The following SH3BP2 variants were observed in gnomAD, a reference collection of about 807,000 sequenced individuals.
The protein encoded by SH3BP2 is SH3 domain-binding protein 2.
In SH3BP2, 38 loss-of-function variants were observed where a neutral mutation model predicts 56.2. That is an observed-to-expected ratio of 0.68 (90% CI 0.52 to 0.89). The LOEUF (loss-of-function observed/expected upper bound fraction) is 0.89. Among genes scored for constraint, SH3BP2 ranks in the 40% least tolerant of loss-of-function variants. The pLI is 0.00. For missense variants in SH3BP2, 748 were observed against 762.6 expected (o/e 0.98, Z 0.23); for synonymous variants, 346 against 316.7 (o/e 1.09, Z -0.98).
chr4:2,818,355 C>G (rs1461206896), intron 1 of SH3BP2: 9 of 1,180,354 alleles, frequency 7.6e-6, no homozygotes, highest in Non-Finnish European at 9.4e-6. Flanking sequence ...CGTGGATCGC[C>G]CCGGGGAAGC....
intron 5 of SH3BP2, chr4:2,826,510 C>CTG (rs1176413392): frequency 1.1e-4 from 21 of 196,160 alleles, no homozygotes; most frequent in East Asian, 1.6e-4. Flanking sequence ...GCGTGTTGCT[C>CTG]TGTGTGTGTG....
chr4:2,829,095 G>A lies in SH3BP2; in HGVS notation c.587-398G>A, dbSNP rs1445541602. 6.6e-6 allele frequency among the ~76,000 whole-genome samples: 1 copy of A among 152,126 alleles called. No individual in the cohort carries two copies. Among genetic ancestry groups the A allele is most frequent in the South Asian group, 2.1e-4 (1 of 4,834 alleles). ...CTGGATATGTTCTGAGCAAACACGG[G>A]CCTTCACCTTCCTCCCAGCTGCTCC... is the stretch of plus-strand genomic sequence containing the variant. On this transcript the variant is annotated intron_variant, in intron 7 of 12. Coordinates refer to ENST00000503393, the MANE Select transcript of SH3BP2 (RefSeq NM_001122681.2). This position sits in a 1 kb window ranked among gnomAD's most constrained non-coding sequence, Gnocchi z 4.9.
At chr4:2,832,903 C>G (rs918007889) in intron 11 of SH3BP2, 87 bp from the exon 12 acceptor site, 1 of 1,360,392 alleles carries the variant, frequency 7.4e-7, no homozygotes, top group Non-Finnish European at 1.1e-6. Context: ...CTTGATGGTT[C>G]TGCCCCCCTA....
intron 1 of SH3BP2, among the ~76,000 whole-genome samples, chr4:2,806,108 G>T (rs971629486): frequency 2.0e-5 from 3 of 152,238 alleles, no homozygotes; most frequent in Non-Finnish European, 2.9e-5. Context: ...AGGCCAGGAG[G>T]AGGGGATTGA....
At chr4:2,825,448 GCA>G (rs530703308) in intron 5 of SH3BP2, among the ~76,000 whole-genome samples, 28 of 144,104 alleles carry the variant, frequency 1.9e-4, no homozygotes, top group Admixed American at 1.6e-3. Flanking sequence ...ACGCGGACAT[GCA>G]CACACACAGA....
rs1278262490 is a variant in SH3BP2 at position 2,832,385 on chromosome 4, C to G, written c.1461C>G (p.Ile487Met). 1.9e-6 allele frequency: 3 copies of G among 1,614,112 alleles called. No individual in the cohort carries two copies. The highest frequency in any genetic ancestry group is 2.5e-6 in the Non-Finnish European group (3 of 1,179,998). The stretch of plus-strand genomic sequence containing the variant: ...AGCCCCAGGATGGACTCTACTGCAT[C>G]CGGAACTCCTCTACCAAGTCGGGGA... ...RGEPQDGLYC[I>M]RNSSTKSGKV... The change falls in exon 11 of 13, where the codon ATC becomes ATG. Residue 487 changes from isoleucine (I) to methionine (M), a missense_variant. Physicochemically the swap from Ile to Met is conservative, Grantham distance 10 (BLOSUM62 1). Around this residue, in one of 3 missense-constraint regions of SH3BP2, gnomAD observed 635 missense variants for 615.0 expected, o/e 1.03. Coordinates refer to ENST00000503393, the MANE Select transcript of SH3BP2 (RefSeq NM_001122681.2).
intron 1 of SH3BP2, among the ~76,000 whole-genome samples, chr4:2,800,457 G>A (rs116590203): frequency 0.016 from 2,475 of 152,304 alleles, 75 homozygotes; most frequent in African/African-American, 0.056. Flanking sequence ...GAGGCCCTAG[G>A]GGCAGACACC....
At chr4:2,827,135 G>A in intron 5 of SH3BP2, 95 bp from the exon 6 acceptor site, 1 of 908,572 alleles carries the variant, frequency 1.1e-6, no homozygotes, top group Non-Finnish European at 1.8e-6. Flanking sequence ...ATCTGTCCAT[G>A]TATCCGCGTG....
intron 8 of SH3BP2, among the ~76,000 whole-genome samples, chr4:2,830,883 C>G (rs1231627327): frequency 6.6e-6 from 1 of 152,260 alleles, no homozygotes; most frequent in African/African-American, 2.4e-5. Flanking sequence ...CGGTGCCCTT[C>G]TCCCAGGGCT....
Position 2,832,992 on chromosome 4 carries a change from C to T in SH3BP2, c.1491C>T (p.Val497=). The change falls in exon 12 of 13, where the codon GTC becomes GTT. Residue 497 remains valine (V), a splice_region_variant and synonymous_variant. Transcript: ENST00000503393. ...IRNSSTKSGK[V]LVVWDETSNK... The stretch of plus-strand genomic sequence containing the variant: ...AGCCTCCCGCTTCCGTCCTGTAGGT[C>T]CTGGTTGTGTGGGACGAAACCTCTA... 2 of 1,614,186 alleles carry T rather than the reference C, an allele frequency of 1.2e-6. No homozygotes were observed. The highest frequency in any genetic ancestry group is 1.7e-6 in the Non-Finnish European group (2 of 1,180,020).
At position 2,832,077 on chromosome 4, in the gene SH3BP2, C is replaced by G. The variant is rs1245223562; in HGVS notation, c.1406+99C>G. 6 of 1,293,034 alleles carry G rather than the reference C, an allele frequency of 4.6e-6. No individual in the cohort carries two copies. The Admixed American group carries it at 1.1e-4, about 24-fold the overall frequency. 80.1% of individuals were successfully genotyped at this position (1,293,034 alleles called of 1,614,324 possible). A position where few individuals can be genotyped will look rare whatever the true frequency, so the allele number is the denominator to read the frequency against. ...CTTCCGTGTTGGGGAGTTGCTGGCACAAGTTCATGGCCCTGCGTGCAGCAG... is the reference window on the plus strand; with the variant it reads ...CTTCCGTGTTGGGGAGTTGCTGGCAGAAGTTCATGGCCCTGCGTGCAGCAG... On this transcript the variant is annotated intron_variant, in intron 10 of 12. Coordinates refer to ENST00000503393, the MANE Select transcript of SH3BP2 (RefSeq NM_001122681.2).
In SH3BP2 at chr4:2,825,074, G is replaced by T. The variant is rs1724524689; in HGVS notation, c.358-52G>T. 9 of 1,499,536 alleles carry T rather than the reference G, an allele frequency of 6.0e-6. No homozygotes were observed. In the East Asian group the frequency reaches 9.8e-5, roughly 16 times the overall value. The allele number at this position is 1,499,536 out of a possible 1,614,324, so 92.9% of individuals were successfully genotyped here. A position where few individuals can be genotyped will look rare whatever the true frequency, so the allele number is the denominator to read the frequency against. On this transcript the variant is annotated intron_variant, in intron 4 of 12. Coordinates refer to ENST00000503393, the MANE Select transcript of SH3BP2 (RefSeq NM_001122681.2). The stretch of plus-strand genomic sequence containing the variant: ...AGGGCAGTGAAGGTGGAGGGGTGCG[G>T]TGGGGCCCACCCTGGTGGCACCGTG...
chr4:2,833,625 A>G (rs1560114599), intron 12 of SH3BP2, 72 bp from the exon 13 acceptor site: 1 of 1,552,250 alleles, frequency 6.4e-7, no homozygotes, highest in Non-Finnish European at 8.7e-7. Flanking sequence ...TGTTTTACAG[A>G]CGGGGAGACT....
intron 1 of SH3BP2, among the ~76,000 whole-genome samples, chr4:2,795,152 G>C (rs544766471): frequency 6.6e-6 from 1 of 152,262 alleles, no homozygotes; most frequent in Non-Finnish European, 1.5e-5. Flanking sequence ...ACAGTGGGTC[G>C]CTGAGGGTGC....
Position 2,837,876 on chromosome 4 carries a change from AC to A in SH3BP2, c.*4047del, listed in dbSNP as rs1242656868. ...ACCCTGTGAAGATGCTTGACAGACAACCCCCACCACCTCAGAAGTGTGTGTG... is the reference window on the plus strand; with the variant it reads ...ACCCTGTGAAGATGCTTGACAGACAACCCCACCACCTCAGAAGTGTGTGTG... On this transcript the variant is annotated 3_prime_UTR_variant, in exon 13 of 13. Transcript: ENST00000503393. 1 of 151,966 alleles carries A rather than the reference AC, an allele frequency of 6.6e-6. No homozygotes were observed. The highest frequency in any genetic ancestry group is 1.9e-4 in the East Asian group (1 of 5,170). 9.4% of individuals were successfully genotyped at this position (151,966 alleles called of 1,614,324 possible).
chr4:2,832,880 C>T (rs951241060), intron 11 of SH3BP2, 110 bp from the exon 12 acceptor site: 19 of 1,137,146 alleles, frequency 1.7e-5, no homozygotes, highest in South Asian at 7.4e-5. Flanking sequence ...CCCCGAGGGC[C>T]ACAGGACCCA....
In SH3BP2 at chr4:2,826,628, G is replaced by A. The variant is rs118197547; in HGVS notation, c.429-602G>A. 5.0e-3 allele frequency: 1,643 copies of A among 331,874 alleles called. 38 individuals are homozygous for A. Among genetic ancestry groups the A allele is most frequent in the African/African-American group, 0.035 (1,476 of 42,268 alleles). The allele number at this position is 331,874 out of a possible 1,614,324, so 20.6% of individuals were successfully genotyped here. A position where few individuals can be genotyped will look rare whatever the true frequency, so the allele number is the denominator to read the frequency against. On this transcript the variant is annotated intron_variant, in intron 5 of 12. Transcript: ENST00000503393. ...TCTGTGTTTGTGTGTGCATGTCTGC[G>A]TGTTGCTCTGTGTGTGTGTGCATGT... is the stretch of plus-strand genomic sequence containing the variant.
intron 1 of SH3BP2, among the ~76,000 whole-genome samples, chr4:2,808,718 T>C (rs1723632124): frequency 6.6e-6 from 1 of 152,040 alleles, no homozygotes; most frequent in African/African-American, 2.4e-5. Context: ...CATCTTATTT[T>C]GAGAGCTTGA....
chr4:2,815,573 G>T (rs1351608821), intron 1 of SH3BP2, among the ~76,000 whole-genome samples: 1 of 152,230 alleles, frequency 6.6e-6, no homozygotes, highest in Non-Finnish European at 1.5e-5. Context: ...CCTTGTCCAG[G>T]TGTGGAGCCA....
Sources: gnomAD v4.1 joint callset for allele counts (sites outside exome capture counted in the v4.1 genomes callset) on GRCh38, gnomAD v4.1.1 for gene constraint, gnomAD v4.1.1 regional missense constraint, Gnocchi (gnomAD v3.1) non-coding constraint, MANE v1.5 for transcripts, NCBI Gene and HGNC (gene_info 2026-07-23, HGNC 2026-07-21) for gene names.